The following ZBTB7B variants were observed in gnomAD, a reference collection of about 807,000 sequenced individuals.
ZBTB7B encodes the protein zinc finger and BTB domain containing 7B, also known as zinc finger and BTB domain-containing protein 7B.
ZBTB7B carries 8 observed loss-of-function variants against 31.0 expected under a neutral mutation model. That is an observed-to-expected ratio of 0.26 (90% confidence interval 0.15 to 0.47). ZBTB7B has a LOEUF of 0.47. Ranked by LOEUF, ZBTB7B falls within the 20% of genes least tolerant of loss-of-function variation. The pLI is 0.99. For synonymous variants in ZBTB7B, 261 were observed against 307.3 expected (o/e 0.85, Z 1.58); for missense variants, 494 against 742.4 (o/e 0.67, Z 3.89).
Position 155,016,017 on chromosome 1 carries a change from G to A in ZBTB7B, c.1154+203G>A, listed in dbSNP as rs1368823276. On this transcript the variant is annotated intron_variant, in intron 2 of 2. Coordinates refer to ENST00000535420, the MANE Select transcript of ZBTB7B (RefSeq NM_001256455.2). The surrounding 1 kb of genome is among the most constrained non-coding windows in gnomAD (Gnocchi z 4.3). ...TGGAGCATGGAGGATTCGGTGCCCA[G>A]GAGGGCAGTGCTGGAAGCAGAGGAG... is the stretch of plus-strand genomic sequence containing the variant. Among the ~76,000 whole-genome samples, 1 of 152,170 alleles carries A rather than the reference G, an allele frequency of 6.6e-6. No homozygotes were observed. Among genetic ancestry groups the A allele is most frequent in the African/African-American group, 2.4e-5 (1 of 41,426 alleles).
upstream of ZBTB7B, among the ~76,000 whole-genome samples, chr1:155,002,468 C>T (rs1189856470): frequency 7.6e-6 from 1 of 132,222 alleles, no homozygotes; most frequent in Non-Finnish European, 1.6e-5. Context: ...GGGAGGGACC[C>T]ATCTGCGCTC....
intron 1 of ZBTB7B, chr1:155,014,307 G>T: frequency 4.3e-6 from 1 of 231,472 alleles, no homozygotes. Flanking sequence ...AGGTGACATA[G>T]ATGGACCTCC....
At position 155,014,914 on chromosome 1, in the gene ZBTB7B, G is replaced by C; in HGVS notation, c.254G>C (p.Gly85Ala). 1 of 1,613,974 alleles carries C rather than the reference G, an allele frequency of 6.2e-7. No individual in the cohort carries two copies. The highest frequency in any genetic ancestry group is 8.5e-7 in the Non-Finnish European group (1 of 1,179,994). Residue 85 changes from glycine to alanine, a missense_variant, in exon 2 of 3, where the codon GGG (glycine) becomes GCG (alanine). Around this residue, in one of 5 missense-constraint regions of ZBTB7B, gnomAD observed 90 missense variants for 143.2 expected, o/e 0.63. Transcript: ENST00000535420. ...GGSGTATGGA[G>A]AGVCELDFVG... Reference sequence around the variant, plus strand: ...AGCGGGACGGCCACTGGGGGAGCAGGGGCCGGTGTGTGTGAGCTGGACTTT... The same window carrying C: ...AGCGGGACGGCCACTGGGGGAGCAGCGGCCGGTGTGTGTGAGCTGGACTTT...
rs1553257714 is a variant in ZBTB7B at position 155,017,362 on chromosome 1, G to GGCCCC, written c.*682_*686dup. 2.0e-5 allele frequency: 3 copies of GGCCCC among 152,470 alleles called. No homozygotes were observed. Among genetic ancestry groups the GGCCCC allele is most frequent in the Middle Eastern group, 3.2e-3 (1 of 316 alleles). 9.4% of individuals were successfully genotyped at this position (152,470 alleles called of 1,614,324 possible). A position where few individuals can be genotyped will look rare whatever the true frequency, so the allele number is the denominator to read the frequency against. On this transcript the variant is annotated 3_prime_UTR_variant, in exon 3 of 3. Transcript: ENST00000535420. Reference sequence around the variant, plus strand: ...CGCCTGCCCCTGGGGGCAGTAGAGGGGCCCCGCCCAGCTAGGGGAGCCGCT... The same window carrying GGCCCC: ...CGCCTGCCCCTGGGGGCAGTAGAGGGGCCCCGCCCCGCCCAGCTAGGGGAGCCGCT...
Position 155,003,250 on chromosome 1 carries a change from G to A in ZBTB7B, c.-7+307G>A, listed in dbSNP as rs1273698520. Among the ~76,000 whole-genome samples the A allele has an allele frequency of 6.6e-6, 1 of 152,186 alleles. No individual in the cohort carries two copies. The highest frequency in any genetic ancestry group is 1.5e-5 in the Non-Finnish European group (1 of 68,032). ...CTTCGGGATGGAGAGGGGGTGAGGC[G>A]ACGCTGAGCGTTCCCCCAGTCTCCT... On this transcript the variant is annotated intron_variant, in intron 1 of 2. Coordinates refer to ENST00000535420, the MANE Select transcript of ZBTB7B (RefSeq NM_001256455.2). The surrounding 1 kb of genome is among the most constrained non-coding windows in gnomAD (Gnocchi z 5.8).
At chr1:155,009,210 A>C (rs1658774642) in intron 1 of ZBTB7B, among the ~76,000 whole-genome samples, 1 of 152,050 alleles carries the variant, frequency 6.6e-6, no homozygotes, top group African/African-American at 2.4e-5. Flanking sequence ...GCCTATAGGG[A>C]CTGAGTGATT....
At chr1:155,007,734 G>C (rs1217250297) in intron 1 of ZBTB7B, among the ~76,000 whole-genome samples, 1 of 152,184 alleles carries the variant, frequency 6.6e-6, no homozygotes, top group Non-Finnish European at 1.5e-5. Context: ...TGGGAGCAGG[G>C]GGGTAGGAGG....
rs955420215 is a variant in ZBTB7B at position 155,008,691 on chromosome 1, T to C, written c.-7+5748T>C. On this transcript the variant is annotated intron_variant, in intron 1 of 2. Coordinates refer to ENST00000535420, the MANE Select transcript of ZBTB7B (RefSeq NM_001256455.2). Reference sequence around the variant, plus strand: ...TTTTAGGACTGAGTAAGGACAGGAGTGGGTGGGTTCTGCTGGGGCTTCAGG... The same window carrying C: ...TTTTAGGACTGAGTAAGGACAGGAGCGGGTGGGTTCTGCTGGGGCTTCAGG... 4.6e-5 allele frequency among the ~76,000 whole-genome samples: 7 copies of C among 151,744 alleles called. 1 individual carries two copies. In the South Asian group the frequency reaches 1.5e-3, roughly 31 times the overall value.
chr1:155,007,415 G>A (rs1658623495), intron 1 of ZBTB7B, among the ~76,000 whole-genome samples: 1 of 152,192 alleles, frequency 6.6e-6, no homozygotes, highest in African/African-American at 2.4e-5. Flanking sequence ...CTCAGGAATT[G>A]CAGGGACTTT....
At chr1:155,015,919 T>C in intron 2 of ZBTB7B, 105 bp downstream of exon 2, 2 of 1,399,636 alleles carry the variant, frequency 1.4e-6, no homozygotes, top group Admixed American at 4.6e-5. Flanking sequence ...TAGGTGGTCC[T>C]GGAGGGACTG....
rs1659518681 is a variant in ZBTB7B, at chr1:155,017,358, GAGGGGCCCCGCCCAGCTA to G, written c.*674_*691del. The G allele has an allele frequency of 6.6e-6, 1 of 151,914 alleles. No homozygotes were observed. Among genetic ancestry groups the G allele is most frequent in the African/African-American group, 2.4e-5 (1 of 41,402 alleles). The allele number at this position is 151,914 out of a possible 1,614,324, so 9.4% of individuals were successfully genotyped here. A position where few individuals can be genotyped will look rare whatever the true frequency, so the allele number is the denominator to read the frequency against. Reference sequence around the variant, plus strand: ...GGCTCGCCTGCCCCTGGGGGCAGTAGAGGGGCCCCGCCCAGCTAGGGGAGCCGCTCCGTTCCACTCCCC... The same window carrying G: ...GGCTCGCCTGCCCCTGGGGGCAGTAGGGGGAGCCGCTCCGTTCCACTCCCC... On this transcript the variant is annotated 3_prime_UTR_variant, in exon 3 of 3. Coordinates refer to ENST00000535420, the MANE Select transcript of ZBTB7B (RefSeq NM_001256455.2).
At chr1:155,013,861 G>C (rs1376512632) in intron 1 of ZBTB7B, among the ~76,000 whole-genome samples, 1 of 152,132 alleles carries the variant, frequency 6.6e-6, no homozygotes, top group Non-Finnish European at 1.5e-5. Flanking sequence ...GGAGGATGTG[G>C]GGGGAGGGAT....
Position 155,003,870 on chromosome 1 carries a change from C to CG in ZBTB7B, c.-7+928dup, listed in dbSNP as rs1658395763. On this transcript the variant is annotated intron_variant, in intron 1 of 2. Coordinates refer to ENST00000535420, the MANE Select transcript of ZBTB7B (RefSeq NM_001256455.2). The surrounding 1 kb of genome is among the most constrained non-coding windows in gnomAD (Gnocchi z 5.8). ...CACCCCATCCCAAGTAAGAGAGCGA[C>CG]GTGTCCCGGCCAGAGCGAGGTGGGG... 6.6e-6 allele frequency among the ~76,000 whole-genome samples: 1 copy of CG among 151,350 alleles called. No homozygotes were observed. The highest frequency in any genetic ancestry group is 1.5e-5 in the Non-Finnish European group (1 of 67,810).
rs762047566 is a variant in ZBTB7B, at chr1:155,016,611, G to C, written c.1546G>C (p.Gly516Arg). The C allele has an allele frequency of 1.6e-5, 25 of 1,612,384 alleles. No individual in the cohort carries two copies. In the Admixed American group the frequency reaches 2.7e-4, roughly 17 times the overall value. The change falls in exon 3 of 3, where the codon GGG becomes CGG. Residue 516 changes from glycine (G) to arginine (R), a missense_variant. Around this residue, in one of 5 missense-constraint regions of ZBTB7B, gnomAD observed 101 missense variants for 119.5 expected, o/e 0.85. Transcript: ENST00000535420. The surrounding 1 kb of genome is among the most constrained non-coding windows in gnomAD (Gnocchi z 4.3). ...CACTGGGCCCCCGGTCTCTACCCCA[G>C]GGCCCCCTGATGACGATGAGGAGGA... ...APTGPPVSTPGPPDDDEEEGA... is the reference protein window; with the variant it reads ...APTGPPVSTPRPPDDDEEEGA...
In ZBTB7B at chr1:155,016,289, A is replaced by G. The variant is rs951412690; in HGVS notation, c.1224A>G (p.Pro408=). The G allele has an allele frequency of 3.1e-6, 5 of 1,613,928 alleles. No homozygotes were observed. The highest frequency in any genetic ancestry group is 4.2e-6 in the Non-Finnish European group (5 of 1,179,988). Residue 408 remains proline, a synonymous_variant, in exon 3 of 3, where the codon CCA becomes CCG. Transcript: ENST00000535420. The surrounding 1 kb of genome is among the most constrained non-coding windows in gnomAD (Gnocchi z 4.3). Reference sequence around the variant, plus strand: ...GCCCCTACTCATGCCCGCACTGCCCAGCCCGCTTCCTGCACAGCTACGACC... The same window carrying G: ...GCCCCTACTCATGCCCGCACTGCCCGGCCCGCTTCCTGCACAGCTACGACC... The part of the protein sequence containing the change: ...GERPYSCPHC[P]ARFLHSYDLK...
intron 1 of ZBTB7B, among the ~76,000 whole-genome samples, chr1:155,005,568 G>A (rs1163432807): frequency 6.6e-6 from 1 of 152,250 alleles, no homozygotes; most frequent in Non-Finnish European, 1.5e-5. Flanking sequence ...ACTGCCCTCT[G>A]ACAGAAGCCT....
In ZBTB7B at chr1:155,017,963, A is replaced by G. The variant is rs1433316499; in HGVS notation, c.*1278A>G. On this transcript the variant is annotated 3_prime_UTR_variant, in exon 3 of 3. Transcript: ENST00000535420. ...TCTTCTGTTGGTCTTGTTGAAATCT[A>G]GTTTCAGATTTTTAACTACCCAATT... The G allele has an allele frequency of 6.4e-6, 1 of 156,600 alleles. No homozygotes were observed. The highest frequency in any genetic ancestry group is 1.4e-5 in the Non-Finnish European group (1 of 70,548). 9.7% of individuals were successfully genotyped at this position (156,600 alleles called of 1,614,324 possible). A position where few individuals can be genotyped will look rare whatever the true frequency, so the allele number is the denominator to read the frequency against.
In ZBTB7B at chr1:155,011,001, T is replaced by A. The variant is rs1172337849; in HGVS notation, c.-6-3654T>A. ...CTGGCCAGGCCCCTCTCAGGCTCCC[T>A]GGCAGAGCCTAGAGGTAGGGGCCTT... On this transcript the variant is annotated intron_variant, in intron 1 of 2. Transcript: ENST00000535420. 2.0e-6 allele frequency: 3 copies of A among 1,534,396 alleles called. No homozygotes were observed. The African/African-American group carries it at 4.1e-5, about 21-fold the overall frequency.
At chr1:155,013,050 A>G (rs1222813683) in intron 1 of ZBTB7B, among the ~76,000 whole-genome samples, 1 of 152,162 alleles carries the variant, frequency 6.6e-6, no homozygotes, top group African/African-American at 2.4e-5. Flanking sequence ...ACCTGTCCCC[A>G]AGTAGTTTTC....
Sources: gnomAD v4.1 joint callset for allele counts (sites outside exome capture counted in the v4.1 genomes callset) on GRCh38, gnomAD v4.1.1 for gene constraint, gnomAD v4.1.1 regional missense constraint, Gnocchi (gnomAD v3.1) non-coding constraint, MANE v1.5 for transcripts, NCBI Gene and HGNC (gene_info 2026-07-23, HGNC 2026-07-21) for gene names.